The following LPP variants were observed in gnomAD, a reference collection of about 807,000 sequenced individuals.
The protein encoded by LPP is LIM domain containing preferred translocation partner in lipoma.
Under a neutral mutation model 60.4 loss-of-function variants are expected in LPP, and 38 were observed. The ratio of observed to expected loss-of-function variants is 0.63; its 90% CI spans 0.49 to 0.83. The LOEUF is 0.83. LPP is among the 40% of genes least tolerant of loss of function. The pLI, the probability that LPP is intolerant of heterozygous loss-of-function variation, is 0.00. For missense variants in LPP, 902 were observed against 783.6 expected, an observed-to-expected ratio of 1.15 and a Z score of -1.80; for synonymous variants, 328 against 290.8, an observed-to-expected ratio of 1.13 and a Z score of -1.30.
intron 8 of LPP, among the ~76,000 whole-genome samples, chr3:188,753,697 T>C (rs1728936865): frequency 6.6e-6 from 1 of 152,128 alleles, no homozygotes; most frequent in African/African-American, 2.4e-5. Flanking sequence ...TGTGACTGTC[T>C]CCGAAACTGT....
chr3:188,662,470 A>C (rs1397862023), intron 7 of LPP, among the ~76,000 whole-genome samples: 1 of 152,238 alleles, frequency 6.6e-6, no homozygotes, highest in Non-Finnish European at 1.5e-5. Context: ...GGCCTGATAG[A>C]ATTTGTTTCA....
chr3:188,361,459 C>CCCTT (rs1231049235), intron 3 of LPP, among the ~76,000 whole-genome samples: 1 of 132,304 alleles, frequency 7.6e-6, no homozygotes, highest in African/African-American at 2.8e-5. Flanking sequence ...TCCCCTCCCT[C>CCCTT]CCTTCCTTCC....
At chr3:188,432,622 T>C (rs1791205775) in intron 4 of LPP, among the ~76,000 whole-genome samples, 1 of 151,980 alleles carries the variant, frequency 6.6e-6, no homozygotes, top group Non-Finnish European at 1.5e-5. Flanking sequence ...GGGAGGAGGA[T>C]AGAATAAAGA....
In LPP at chr3:188,331,682, T is replaced by G. The variant is rs373208823; in HGVS notation, c.-66-9981T>G. On this transcript the variant is annotated intron_variant, in intron 2 of 11. Coordinates refer to ENST00000617246, the MANE Select transcript of LPP (RefSeq NM_001375462.1). ...GTGCTTTCCCCATTTCTACATCACT[T>G]TCTAGATTTTGGTCCTGATGTCCAA... Among the ~76,000 whole-genome samples the G allele has an allele frequency of 1.4e-4, 21 of 152,240 alleles. No individual in the cohort carries two copies. The East Asian group carries it at 3.5e-3, about 25-fold the overall frequency.
At chr3:188,523,354 GCTGA>G (rs1397742795) in intron 5 of LPP, among the ~76,000 whole-genome samples, 7 of 152,122 alleles carry the variant, frequency 4.6e-5, no homozygotes, top group Non-Finnish European at 8.8e-5. Flanking sequence ...ATTAACTCAA[GCTGA>G]CTAAGTTCCC....
intron 1 of LPP, among the ~76,000 whole-genome samples, chr3:188,193,193 T>C (rs1164956756): frequency 1.3e-5 from 2 of 152,176 alleles, no homozygotes; most frequent in Admixed American, 6.5e-5. Context: ...GGTTTGTGTG[T>C]CTTTCATGTT....
intron 6 of LPP, among the ~76,000 whole-genome samples, chr3:188,569,723 C>T (rs1018194866): frequency 1.3e-5 from 2 of 151,976 alleles, no homozygotes; most frequent in African/African-American, 4.8e-5. Context: ...ATGTTTCAGC[C>T]TCGGCCATCT....
intron 2 of LPP, among the ~76,000 whole-genome samples, chr3:188,271,301 C>A (rs1204442530): frequency 1.3e-5 from 2 of 152,196 alleles, no homozygotes; most frequent in African/African-American, 4.8e-5. Context: ...GTATGTTCAA[C>A]ACATAGTTGC....
At chr3:188,195,120 G>T (rs1043613456) in intron 1 of LPP, among the ~76,000 whole-genome samples, 7 of 152,212 alleles carry the variant, frequency 4.6e-5, no homozygotes, top group African/African-American at 1.7e-4. Flanking sequence ...TTAGCTGGGC[G>T]TCGTGGCTTG....
rs546247847 is a variant in LPP at position 188,359,155 on chromosome 3, A to C, written c.-10+17436A>C. On this transcript the variant is annotated intron_variant, in intron 3 of 11. Transcript: ENST00000617246. ...TCCAACAAGTTGTGTGCTTCTGCTG[A>C]ACACAGGTCATCTCAGAGTAAAACT... 1.3e-4 allele frequency among the ~76,000 whole-genome samples: 20 copies of C among 152,308 alleles called. No homozygotes were observed. In the East Asian group the frequency reaches 3.7e-3, roughly 28 times the overall value.
intron 5 of LPP, among the ~76,000 whole-genome samples, chr3:188,491,456 A>G (rs1323633957): frequency 1.3e-5 from 2 of 152,214 alleles, no homozygotes; most frequent in African/African-American, 4.8e-5. Flanking sequence ...TACCAAAGAG[A>G]TGATTGAGAT....
At chr3:188,606,807 G>T (rs560617880) in intron 6 of LPP, among the ~76,000 whole-genome samples, 265 of 152,186 alleles carry the variant, frequency 1.7e-3, no homozygotes, top group Non-Finnish European at 3.2e-3. Flanking sequence ...GCGTAGATGG[G>T]CATTGAATGA....
intron 2 of LPP, among the ~76,000 whole-genome samples, chr3:188,226,258 C>T (rs956658479): frequency 5.3e-5 from 8 of 152,206 alleles, no homozygotes; most frequent in African/African-American, 1.9e-4. Context: ...ATCCACCCGC[C>T]TCAGCCTCCC....
chr3:188,744,648 C>T (rs905309662), intron 8 of LPP, among the ~76,000 whole-genome samples: 1 of 152,092 alleles, frequency 6.6e-6, no homozygotes, highest in African/African-American at 2.4e-5. Flanking sequence ...TTATTTTCTA[C>T]TCCCATTGCT....
At chr3:188,829,305 G>T (rs1347226161) in intron 9 of LPP, among the ~76,000 whole-genome samples, 1 of 152,076 alleles carries the variant, frequency 6.6e-6, no homozygotes, top group East Asian at 1.9e-4. Context: ...TCAATGACCT[G>T]CCTATCCTTT....
chr3:188,890,429 T>C lies in LPP; in HGVS notation c.*15950T>C, dbSNP rs902050729. 1 of 199,254 alleles carries C rather than the reference T, an allele frequency of 5.0e-6. No individual in the cohort carries two copies. The highest frequency in any genetic ancestry group is 6.0e-5 in the Admixed American group (1 of 16,660). 12.3% of individuals were successfully genotyped at this position (199,254 alleles called of 1,614,324 possible). A position where few individuals can be genotyped will look rare whatever the true frequency, so the allele number is the denominator to read the frequency against. ...ATCCAAAATAGCACACATAGTTCAG[T>C]ATGAAAATAAGAGAATAAAATCTGT... On this transcript the variant is annotated 3_prime_UTR_variant, in exon 12 of 12. Transcript: ENST00000617246.
chr3:188,529,139 G>A (rs1035411944), intron 6 of LPP, among the ~76,000 whole-genome samples: 1 of 152,158 alleles, frequency 6.6e-6, no homozygotes. Context: ...TGAATTAGAT[G>A]TGTTAATATT....
intron 2 of LPP, among the ~76,000 whole-genome samples, chr3:188,261,764 A>G (rs1733728861): frequency 6.6e-6 from 1 of 150,930 alleles, no homozygotes; most frequent in South Asian, 2.1e-4. Flanking sequence ...AAAAATATAT[A>G]TTAGCTAGAT....
At chr3:188,671,534 G>A (rs948197369) in intron 7 of LPP, among the ~76,000 whole-genome samples, 6 of 152,204 alleles carry the variant, frequency 3.9e-5, no homozygotes, top group African/African-American at 1.4e-4. Context: ...TCAATAGGAA[G>A]ATTACATCTT....
Sources: allele counts gnomAD v4.1 joint callset (sites outside exome capture counted in the v4.1 genomes callset), GRCh38; gene constraint gnomAD v4.1.1; transcripts MANE v1.5; gene names NCBI Gene and HGNC (gene_info 2026-07-23, HGNC 2026-07-21).